PCDHGA7: variants seen among roughly 807,000 people sequenced by gnomAD.
PCDHGA7 encodes protocadherin gamma subfamily A, 7.
A neutral mutation model predicts 58.3 loss-of-function variants in PCDHGA7; 44 were observed. The ratio of observed to expected loss-of-function variants is 0.75; its 90% confidence interval spans 0.59 to 0.97. PCDHGA7 has a LOEUF of 0.97. Among genes scored for constraint, PCDHGA7 ranks in the 50% least tolerant of loss-of-function variants. The pLI, the probability that PCDHGA7 is intolerant of heterozygous loss-of-function variation, is 0.00. For synonymous variants in PCDHGA7, 516 were observed against 504.2 expected (o/e 1.02, Z -0.31); for missense variants, 1,266 against 1,188.7 (o/e 1.06, Z -0.96).
At chr5:141,403,120 C>G (rs2094357495) in intron 1 of PCDHGA7, 3 of 1,614,050 alleles carry the variant, frequency 1.9e-6, no homozygotes, top group South Asian at 2.2e-5. Context: ...CTCTGGAGCC[C>G]CGGGAGCTGG....
At chr5:141,467,748 G>A (rs186276272) in intron 1 of PCDHGA7, among the ~76,000 whole-genome samples, 22 of 151,912 alleles carry the variant, frequency 1.4e-4, no homozygotes, top group South Asian at 2.1e-4. Context: ...TGCAACCTCC[G>A]CCTCACATGC....
intron 1 of PCDHGA7, among the ~76,000 whole-genome samples, chr5:141,430,064 A>T (rs1482609618): frequency 6.6e-6 from 1 of 152,190 alleles, no homozygotes; most frequent in Non-Finnish European, 1.5e-5. Flanking sequence ...TATCATTTTT[A>T]GGTTTCCATA....
intron 1 of PCDHGA7, among the ~76,000 whole-genome samples, chr5:141,429,890 C>A (rs2097251428): frequency 6.6e-6 from 1 of 152,112 alleles, no homozygotes; most frequent in African/African-American, 2.4e-5. Context: ...GTTTCCTGAA[C>A]AATAAATATT....
chr5:141,502,027 C>T (rs547850211), intron 2 of PCDHGA7, among the ~76,000 whole-genome samples: 6 of 152,274 alleles, frequency 3.9e-5, no homozygotes, highest in African/African-American at 9.6e-5. Flanking sequence ...CTGCAACCCC[C>T]GCCGCTTGCC....
At chr5:141,395,633 G>T (rs1448678453) in intron 1 of PCDHGA7, 1 of 179,296 alleles carries the variant, frequency 5.6e-6, no homozygotes, top group African/African-American at 2.4e-5. Context: ...GAAGTCTAAA[G>T]CCTTGTTATT....
intron 1 of PCDHGA7, among the ~76,000 whole-genome samples, chr5:141,438,613 TATATATATATATATATATATATACAC>T (rs1192023297): frequency 0.026 from 946 of 36,486 alleles, 27 homozygotes; most frequent in African/African-American, 0.12. Flanking sequence ...TATATATATA[TATATATATATATATATATATATACAC>T]ACACACACAC....
At chr5:141,419,555 G>A (rs1411289369) in intron 1 of PCDHGA7, 3 of 1,611,876 alleles carry the variant, frequency 1.9e-6, no homozygotes, top group South Asian at 1.1e-5. Context: ...GCTGTACCCT[G>A]CGCTGGGTCC....
At chr5:141,414,134 A>T in intron 1 of PCDHGA7, 1 of 1,595,028 alleles carries the variant, frequency 6.3e-7, no homozygotes, top group South Asian at 1.1e-5. Flanking sequence ...GGTTTCTATG[A>T]AATAGAAATA....
chr5:141,404,165 T>G, intron 1 of PCDHGA7: 1 of 1,613,246 alleles, frequency 6.2e-7, no homozygotes, highest in Non-Finnish European at 8.5e-7. Flanking sequence ...TTACAGATTG[T>G]TGACGGCCCA....
At chr5:141,386,797 T>G (rs771279831) in intron 1 of PCDHGA7, among the ~76,000 whole-genome samples, 1 of 152,124 alleles carries the variant, frequency 6.6e-6, no homozygotes, top group Non-Finnish European at 1.5e-5. Flanking sequence ...TGACCAAAAT[T>G]TATTAGATGC....
chr5:141,416,458 G>A (rs1391820726), intron 1 of PCDHGA7: 1 of 152,194 alleles, frequency 6.6e-6, no homozygotes, highest in Non-Finnish European at 1.5e-5. Flanking sequence ...TGGGAAGACA[G>A]ATAAATTTGT....
chr5:141,483,916 A>C (rs1377841777), intron 1 of PCDHGA7, among the ~76,000 whole-genome samples: 1 of 144,996 alleles, frequency 6.9e-6, no homozygotes, highest in African/African-American at 2.5e-5. Flanking sequence ...TCCCACTCAG[A>C]TTGCAGGTCG....
rs778744503 is a variant in PCDHGA7, at chr5:141,511,152, G to C, written c.2778G>C (p.Ser926=). 2 of 1,614,140 alleles carry C rather than the reference G, an allele frequency of 1.2e-6. No individual in the cohort carries two copies. Among genetic ancestry groups the C allele is most frequent in the South Asian group, 2.2e-5 (2 of 91,086 alleles). The change falls in exon 4 of 4, where the codon TCG becomes TCC. Residue 926 remains serine, a synonymous_variant. Coordinates refer to ENST00000518325, the MANE Select transcript of PCDHGA7 (RefSeq NM_018920.4). ...PAGGNGNKKK[S]GKKEKK ...GTGGCAATGGCAACAAGAAGAAGTC[G>C]GGCAAGAAGGAGAAGAAGTAACATG...
At chr5:141,412,601 A>G (rs2095565422) in intron 1 of PCDHGA7, 1 of 152,188 alleles carries the variant, frequency 6.6e-6, no homozygotes, top group African/African-American at 2.4e-5. Context: ...ACTAAATAAA[A>G]TTGGCCTATT....
chr5:141,466,297 A>G (rs1206472131), intron 1 of PCDHGA7, among the ~76,000 whole-genome samples: 3 of 152,146 alleles, frequency 2.0e-5, no homozygotes, highest in East Asian at 1.9e-4. Flanking sequence ...CAGGCTCCCA[A>G]GTAGCTGGGA....
At chr5:141,416,387 A>T (rs1229066765) in intron 1 of PCDHGA7, 1 of 152,190 alleles carries the variant, frequency 6.6e-6, no homozygotes, top group Admixed American at 6.5e-5. Context: ...AATATTTGGG[A>T]TTCTGCTTTT....
At chr5:141,498,947 AAAAG>A (rs1475471777) in intron 2 of PCDHGA7, among the ~76,000 whole-genome samples, 1 of 145,446 alleles carries the variant, frequency 6.9e-6, no homozygotes, top group African/African-American at 2.6e-5. Context: ...GAAAGAAAGA[AAAAG>A]AGAGAGAGGG....
At position 141,486,209 on chromosome 5, in the gene PCDHGA7, A is replaced by C. The variant is rs749965379; in HGVS notation, c.2425-8598A>C. On this transcript the variant is annotated intron_variant, in intron 1 of 3. Transcript: ENST00000518325. The surrounding 1 kb of genome is among the most constrained non-coding windows in gnomAD (Gnocchi z 5.0). ...AGTGGATCTGCTGGACGTAAATGAC[A>C]ATGCCCCTTACATCACAGTGACCTC... 1 of 1,614,080 alleles carries C rather than the reference A, an allele frequency of 6.2e-7. No homozygotes were observed. Among genetic ancestry groups the C allele is most frequent in the South Asian group, 1.1e-5 (1 of 91,078 alleles).
At chr5:141,419,741 A>G (rs769795920) in intron 1 of PCDHGA7, 1 of 1,613,856 alleles carries the variant, frequency 6.2e-7, no homozygotes. Context: ...CGAGGTGCGC[A>G]TGGTGCGTGC....
Sources: allele counts gnomAD v4.1 joint callset (sites outside exome capture counted in the v4.1 genomes callset), GRCh38; gene constraint gnomAD v4.1.1; non-coding constraint Gnocchi (gnomAD v3.1); transcripts MANE v1.5; gene names NCBI Gene and HGNC (gene_info 2026-07-23, HGNC 2026-07-21).